PCDHGA4: variants seen among roughly 807,000 people sequenced by gnomAD.
The protein encoded by PCDHGA4 is protocadherin gamma-A4.
PCDHGA4 carries 38 observed loss-of-function variants against 54.6 expected under a neutral mutation model. The observed-to-expected ratio is 0.70, with a 90% CI of 0.54 to 0.91. The LOEUF is 0.91. PCDHGA4 is among the 40% of genes least tolerant of loss of function. The pLI is 0.00. For missense variants in PCDHGA4, 1,298 were observed against 1,220.9 expected (o/e 1.06, Z -0.94); for synonymous variants, 511 against 512.9 (o/e 1.00, Z 0.05).
rs1419222918 is a variant in PCDHGA4, at chr5:141,360,532, T to C, written c.2514+2911T>C. ...GGATATAAATGATAATACCCCGCTA[T>C]TCAAACAGACTAAGATTAATTTAAA... On this transcript the variant is annotated intron_variant, in intron 1 of 3. Coordinates refer to ENST00000571252, the MANE Select transcript of PCDHGA4 (RefSeq NM_018917.4). 3 of 1,613,892 alleles carry C rather than the reference T, an allele frequency of 1.9e-6. No individual in the cohort carries two copies. The Admixed American group carries it at 5.0e-5, about 27-fold the overall frequency.
At chr5:141,372,808 A>G in intron 1 of PCDHGA4, 1 of 1,589,102 alleles carries the variant, frequency 6.3e-7, no homozygotes, top group South Asian at 1.1e-5. Flanking sequence ...AATTTGCAAA[A>G]GGTGAGTTTC....
At chr5:141,437,895 A>G (rs911855268) in intron 1 of PCDHGA4, among the ~76,000 whole-genome samples, 23 of 151,954 alleles carry the variant, frequency 1.5e-4, no homozygotes, top group African/African-American at 4.8e-4. Flanking sequence ...ACGCCACCAC[A>G]CCCAGCTAAT....
chr5:141,464,043 T>C (rs2099074643), intron 1 of PCDHGA4, among the ~76,000 whole-genome samples: 2 of 152,074 alleles, frequency 1.3e-5, no homozygotes, highest in African/African-American at 4.8e-5. Context: ...GGCGGGTGGA[T>C]CACCTGAGGT....
chr5:141,423,805 G>GT (rs1384575574), intron 1 of PCDHGA4: 44 of 1,261,806 alleles, frequency 3.5e-5, no homozygotes, highest in South Asian at 8.9e-5. Context: ...AGCAATACAT[G>GT]TGAGTTTTAC....
chr5:141,368,627 T>A (rs1237870416), intron 1 of PCDHGA4, among the ~76,000 whole-genome samples: 1 of 152,216 alleles, frequency 6.6e-6, no homozygotes, highest in Admixed American at 6.5e-5. Flanking sequence ...ACATTTCTTC[T>A]GAGTTAAATG....
At chr5:141,384,434 G>A in intron 1 of PCDHGA4, 1 of 1,614,024 alleles carries the variant, frequency 6.2e-7, no homozygotes, top group Non-Finnish European at 8.5e-7. Flanking sequence ...TCTGACACTG[G>A]AGTCCTGTAC....
chr5:141,443,244 G>A (rs1277982376), intron 1 of PCDHGA4, among the ~76,000 whole-genome samples: 4 of 151,542 alleles, frequency 2.6e-5, no homozygotes, highest in African/African-American at 9.7e-5. Flanking sequence ...ACTTTGGGGC[G>A]CCAAGGCGGG....
chr5:141,365,463 A>G (rs906812137), intron 1 of PCDHGA4: 2 of 1,613,996 alleles, frequency 1.2e-6, no homozygotes, highest in South Asian at 1.1e-5. Flanking sequence ...GATTCTGGAG[A>G]AAATGGTGAG....
At chr5:141,409,867 C>T (rs376725837) in intron 1 of PCDHGA4, 35 of 1,612,662 alleles carry the variant, frequency 2.2e-5, no homozygotes, top group African/African-American at 2.1e-4. Flanking sequence ...TGGGAGACCG[C>T]AATGACAACG....
chr5:141,487,936 G>C lies in PCDHGA4; in HGVS notation c.2515-6871G>C. On this transcript the variant is annotated intron_variant, in intron 1 of 3. Coordinates refer to ENST00000571252, the MANE Select transcript of PCDHGA4 (RefSeq NM_018917.4). This position sits in a 1 kb window ranked among gnomAD's most constrained non-coding sequence, Gnocchi z 5.0. The stretch of plus-strand genomic sequence containing the variant: ...AGGAGGCTACAGTGCACAGGGTACA[G>C]TGCACCAGGCAGTCACTTGGACAAA... 4.9e-6 allele frequency: 3 copies of C among 607,906 alleles called. No homozygotes were observed. The highest frequency in any genetic ancestry group is 3.7e-5 in the African/African-American group (2 of 54,158). 37.7% of individuals were successfully genotyped at this position (607,906 alleles called of 1,614,324 possible). A position where few individuals can be genotyped will look rare whatever the true frequency, so the allele number is the denominator to read the frequency against.
At position 141,486,931 on chromosome 5, in the gene PCDHGA4, T is replaced by C. The variant is rs201042803; in HGVS notation, c.2515-7876T>C. 2 of 1,614,258 alleles carry C rather than the reference T, an allele frequency of 1.2e-6. No homozygotes were observed. Among genetic ancestry groups the C allele is most frequent in the East Asian group, 2.2e-5 (1 of 44,876 alleles). ...AAGCACTGCCTCCATCAGTTGGTGC[T>C]GGCCACCTAATCACAAAGGTGACTG... On this transcript the variant is annotated intron_variant, in intron 1 of 3. Coordinates refer to ENST00000571252, the MANE Select transcript of PCDHGA4 (RefSeq NM_018917.4). This position sits in a 1 kb window ranked among gnomAD's most constrained non-coding sequence, Gnocchi z 5.0.
chr5:141,366,698 C>G, intron 1 of PCDHGA4: 1 of 1,614,234 alleles, frequency 6.2e-7, no homozygotes, highest in Non-Finnish European at 8.5e-7. Flanking sequence ...GAAAAGCGAG[C>G]CTCTTCTGAT....
At chr5:141,404,661 A>G (rs930319561) in intron 1 of PCDHGA4, 1 of 1,614,098 alleles carries the variant, frequency 6.2e-7, no homozygotes. Context: ...CTCCCCACTG[A>G]TGGTTCTACT....
chr5:141,456,942 A>C (rs11737987), intron 1 of PCDHGA4, among the ~76,000 whole-genome samples: 42,405 of 152,066 alleles, frequency 0.28, 6,638 homozygotes, highest in African/African-American at 0.43. Flanking sequence ...CAGCCTGGGC[A>C]ACAGAGCAAA....
chr5:141,456,098 C>A (rs1222639126), intron 1 of PCDHGA4, among the ~76,000 whole-genome samples: 1 of 151,980 alleles, frequency 6.6e-6, no homozygotes. Context: ...GGGATTTCAC[C>A]GTGTTAGCCA....
intron 1 of PCDHGA4, chr5:141,417,252 G>C (rs2096099745): frequency 6.6e-6 from 1 of 152,148 alleles, no homozygotes; most frequent in Admixed American, 6.5e-5. Context: ...AGTACTTCCA[G>C]CTTCATAGAT....
chr5:141,432,286 C>T lies in PCDHGA4; in HGVS notation c.2515-62521C>T. ...TATCGTCCTACGTGTCCATCAACTCCGACACTGGGGTACTGTATGCGCTGA... is the reference window on the plus strand; with the variant it reads ...TATCGTCCTACGTGTCCATCAACTCTGACACTGGGGTACTGTATGCGCTGA... On this transcript the variant is annotated intron_variant, in intron 1 of 3. Transcript: ENST00000571252. This position sits in a 1 kb window ranked among gnomAD's most constrained non-coding sequence, Gnocchi z 6.0. 3 of 1,614,252 alleles carry T rather than the reference C, an allele frequency of 1.9e-6. No homozygotes were observed. Among genetic ancestry groups the T allele is most frequent in the Non-Finnish European group, 2.5e-6 (3 of 1,180,048 alleles).
chr5:141,417,839 C>A, intron 1 of PCDHGA4: 1 of 1,534,218 alleles, frequency 6.5e-7, no homozygotes, highest in South Asian at 1.2e-5. Flanking sequence ...AGCGGGGACC[C>A]AGCGAGAACC....
chr5:141,410,458 T>C (rs776990737), intron 1 of PCDHGA4: 9 of 1,613,922 alleles, frequency 5.6e-6, no homozygotes, highest in Middle Eastern at 3.3e-4. Context: ...CTTATTCTTA[T>C]AATCTGTGCA....
Sources: allele counts gnomAD v4.1 joint callset (sites outside exome capture counted in the v4.1 genomes callset), GRCh38; gene constraint gnomAD v4.1.1; non-coding constraint Gnocchi (gnomAD v3.1); transcripts MANE v1.5; gene names NCBI Gene and HGNC (gene_info 2026-07-23, HGNC 2026-07-21).